The following RBFOX1 variants were observed in gnomAD, a reference collection of about 807,000 sequenced individuals.
RBFOX1 encodes the protein RNA binding protein fox-1 homolog 1.
Under a neutral mutation model 57.7 loss-of-function variants are expected in RBFOX1, and 8 were observed. The observed-to-expected ratio is 0.14, with a 90% CI of 0.08 to 0.25. RBFOX1 has a LOEUF of 0.25. Among genes scored for constraint, RBFOX1 ranks in the 10% least tolerant of loss-of-function variants. The pLI, the probability that RBFOX1 is intolerant of heterozygous loss-of-function variation, is 1.00. For synonymous variants in RBFOX1, 326 were observed against 222.4 expected (o/e 1.47, Z -4.15); for missense variants, 611 against 548.5 (o/e 1.11, Z -1.14).
chr16:6,775,285 G>A (rs1305690380), intron 3 of RBFOX1, among the ~76,000 whole-genome samples: 2 of 141,862 alleles, frequency 1.4e-5, no homozygotes, highest in East Asian at 2.1e-4. Context: ...AGCTGAGATC[G>A]CGCCACCGCA....
At chr16:6,043,120 GAAAAAAAAAAAAAAAAAAAAAAAAAAAA>G (rs570358262) in intron 1 of RBFOX1, among the ~76,000 whole-genome samples, 3 of 70,236 alleles carry the variant, frequency 4.3e-5, no homozygotes, top group East Asian at 5.4e-4. Context: ...TGTGTTTCCA[GAAAAAAAAAAAAAAAAAAAAAAAAAAAA>G]AAAAAAAAAA....
At chr16:6,778,028 C>A (rs1040967145) in intron 3 of RBFOX1, among the ~76,000 whole-genome samples, 1 of 152,184 alleles carries the variant, frequency 6.6e-6, no homozygotes, top group Middle Eastern at 3.4e-3. Flanking sequence ...TGTGTGAACT[C>A]ATAAGGTGTG....
intron 2 of RBFOX1, among the ~76,000 whole-genome samples, chr16:6,549,407 A>AT: frequency 3.4e-4 from 1 of 2,966 alleles, no homozygotes; most frequent in African/African-American, 4.2e-4. Flanking sequence ...GAGGAGGAGG[A>AT]GGGAGGAGGA....
chr16:5,950,424 C>A (rs1030283541), intron 4 of RBFOX1, among the ~76,000 whole-genome samples: 1 of 152,190 alleles, frequency 6.6e-6, no homozygotes, highest in Non-Finnish European at 1.5e-5. Context: ...ATTGGCAGTT[C>A]CACATTGGTG....
chr16:7,673,570 T>A (rs917544), intron 13 of RBFOX1, among the ~76,000 whole-genome samples: 1 of 151,944 alleles, frequency 6.6e-6, no homozygotes, highest in South Asian at 2.1e-4. Flanking sequence ...AAATGCTTTA[T>A]TGGAGCATCA....
chr16:6,171,375 T>C (rs1441909020), intron 1 of RBFOX1, among the ~76,000 whole-genome samples: 1 of 152,192 alleles, frequency 6.6e-6, no homozygotes, highest in Non-Finnish European at 1.5e-5. Context: ...TCTTTCCACT[T>C]TCAATGCATA....
intron 5 of RBFOX1, among the ~76,000 whole-genome samples, chr16:7,542,349 C>G (rs576459241): frequency 6.6e-6 from 1 of 152,134 alleles, no homozygotes; most frequent in East Asian, 1.9e-4. Context: ...ACGCCAGACC[C>G]GTAACTTCCT....
At chr16:5,609,882 G>T (rs2047713624) in intron 3 of RBFOX1, among the ~76,000 whole-genome samples, 1 of 151,916 alleles carries the variant, frequency 6.6e-6, no homozygotes, top group African/African-American at 2.4e-5. Context: ...GGTGGGGGCG[G>T]GGTGGAAGAC....
intron 1 of RBFOX1, among the ~76,000 whole-genome samples, chr16:5,349,407 C>G (rs889897661): frequency 6.6e-6 from 1 of 152,156 alleles, no homozygotes; most frequent in African/African-American, 2.4e-5. Context: ...GGTACGGTGG[C>G]TCAAGCCTGT....
intron 3 of RBFOX1, among the ~76,000 whole-genome samples, chr16:5,777,707 TCACACAGGGAAA>T (rs2054192088): frequency 6.6e-6 from 1 of 152,178 alleles, no homozygotes; most frequent in Non-Finnish European, 1.5e-5. Flanking sequence ...AAAGTGACCA[TCACACAGGGAAA>T]CACACAATAC....
intron 2 of RBFOX1, among the ~76,000 whole-genome samples, chr16:6,540,015 A>G (rs1050847887): frequency 2.0e-5 from 3 of 152,136 alleles, no homozygotes; most frequent in African/African-American, 7.2e-5. Context: ...AGGTATACAC[A>G]GCAACCCTGC....
At position 5,506,316 on chromosome 16, in the gene RBFOX1, G is replaced by A. The variant is rs1054996801; in HGVS notation, c.258+39062G>A. 2.6e-5 allele frequency among the ~76,000 whole-genome samples: 4 copies of A among 152,184 alleles called. 1 individual carries two copies. The highest frequency in any genetic ancestry group is 4.1e-4 in the South Asian group (2 of 4,832). ...CTTGGCAGCCTGCAGGCACAGAGACGTAAGTCGCGGATAGCTCCTCACAGG... is the reference window on the plus strand; with the variant it reads ...CTTGGCAGCCTGCAGGCACAGAGACATAAGTCGCGGATAGCTCCTCACAGG... On this transcript the variant is annotated intron_variant, in intron 2 of 2. Coordinates refer to the RBFOX1 transcript ENST00000585867.
At position 6,984,196 on chromosome 16, in the gene RBFOX1, G is replaced by A. The variant is rs28419313; in HGVS notation, c.-15-67861G>A. Among the ~76,000 whole-genome samples, 1,263 of 152,234 alleles carry A rather than the reference G, an allele frequency of 8.3e-3. 13 individuals carry two copies. The highest frequency in any genetic ancestry group is 0.028 in the African/African-American group (1,171 of 41,534). ...CTGGAGGCAGAGGTTGCGGTGAGCC[G>A]AGATAGTGCCATTGCACTCCAGCCT... On this transcript the variant is annotated intron_variant, in intron 3 of 15. Transcript: ENST00000550418.
intron 2 of RBFOX1, among the ~76,000 whole-genome samples, chr16:5,582,272 A>G (rs1226023490): frequency 2.0e-5 from 3 of 152,156 alleles, no homozygotes; most frequent in African/African-American, 7.2e-5. Flanking sequence ...CTGGGGCTGC[A>G]CGGGCCTTCA....
At chr16:7,567,141 A>G (rs986711832) in intron 5 of RBFOX1, among the ~76,000 whole-genome samples, 6 of 24,510 alleles carry the variant, frequency 2.4e-4, no homozygotes, top group Non-Finnish European at 5.6e-4. Flanking sequence ...ATGTATATCC[A>G]TATATATCCC....
intron 3 of RBFOX1, among the ~76,000 whole-genome samples, chr16:5,648,562 A>T (rs1473785631): frequency 6.6e-6 from 1 of 152,128 alleles, no homozygotes; most frequent in Non-Finnish European, 1.5e-5. Context: ...GAGACCAGGG[A>T]TGCTGCTCTG....
chr16:6,184,286 T>C (rs1598162038), intron 1 of RBFOX1, among the ~76,000 whole-genome samples: 1 of 152,210 alleles, frequency 6.6e-6, no homozygotes, highest in Non-Finnish European at 1.5e-5. Context: ...GTTGAGCACA[T>C]GAGCAACATG....
At chr16:7,351,490 C>A (rs1321446393) in intron 4 of RBFOX1, among the ~76,000 whole-genome samples, 2 of 152,128 alleles carry the variant, frequency 1.3e-5, no homozygotes, top group African/African-American at 2.4e-5. Context: ...GAATAACTAC[C>A]ATAATGTATA....
At chr16:6,927,851 C>A (rs1286744318) in intron 3 of RBFOX1, among the ~76,000 whole-genome samples, 2 of 152,122 alleles carry the variant, frequency 1.3e-5, no homozygotes, top group African/African-American at 4.8e-5. Context: ...GTGGATCTCA[C>A]AACACATCAT....
Sources: gnomAD v4.1 joint callset for allele counts (sites outside exome capture counted in the v4.1 genomes callset) on GRCh38, gnomAD v4.1.1 for gene constraint, MANE v1.5 for transcripts, NCBI Gene and HGNC (gene_info 2026-07-23, HGNC 2026-07-21) for gene names.